The following SLC1A3 variants were observed in gnomAD, a reference collection of about 807,000 sequenced individuals.
SLC1A3 encodes the protein solute carrier family 1 member 3, also known as excitatory amino acid transporter 1.
Under a neutral mutation model 48.1 loss-of-function variants are expected in SLC1A3, and 21 were observed. That is an observed-to-expected ratio of 0.44 (90% confidence interval 0.31 to 0.63). The LOEUF (loss-of-function observed/expected upper bound fraction) is 0.63. Among genes scored for constraint, SLC1A3 ranks in the 20% least tolerant of loss-of-function variants. The pLI is 0.08. For synonymous variants in SLC1A3, 239 were observed against 251.4 expected (o/e 0.95, Z 0.47); for missense variants, 546 against 689.0 (o/e 0.79, Z 2.32).
intron 4 of SLC1A3, among the ~76,000 whole-genome samples, chr5:36,672,018 T>G (rs1040344713): frequency 6.6e-6 from 1 of 152,130 alleles, no homozygotes; most frequent in Non-Finnish European, 1.5e-5. Context: ...TTTGCCAAGG[T>G]GCGGGCAGCC....
intron 2 of SLC1A3, among the ~76,000 whole-genome samples, chr5:36,616,900 A>C (rs1261581339): frequency 6.6e-6 from 1 of 152,172 alleles, no homozygotes; most frequent in Non-Finnish European, 1.5e-5. Flanking sequence ...TTATTTAGTT[A>C]TTTATTTATT....
upstream of SLC1A3, chr5:36,606,513 C>T (rs1490626572): frequency 6.6e-6 from 1 of 152,286 alleles, no homozygotes; most frequent in Admixed American, 6.5e-5. Context: ...GTTTCCCCCT[C>T]CTCCCTGTGC....
Position 36,679,609 on chromosome 5 carries a change from G to A in SLC1A3, c.861-18G>A. 1 of 1,555,504 alleles carries A rather than the reference G, an allele frequency of 6.4e-7. No individual in the cohort carries two copies. The highest frequency in any genetic ancestry group is 8.9e-7 in the Non-Finnish European group (1 of 1,126,624). Reference sequence around the variant, plus strand: ...GTGGAAACCAGACTCCAACCGTGCTGGTGTTGCTTCTCCCCAGGTATGCCC... The same window carrying A: ...GTGGAAACCAGACTCCAACCGTGCTAGTGTTGCTTCTCCCCAGGTATGCCC... On this transcript the variant is annotated intron_variant, in intron 6 of 9. Transcript: ENST00000265113.
At chr5:36,661,129 A>G (rs1032438661) in intron 3 of SLC1A3, among the ~76,000 whole-genome samples, 1 of 152,230 alleles carries the variant, frequency 6.6e-6, no homozygotes. Context: ...AATTTAAAAA[A>G]TAGACAAAGT....
At chr5:36,616,216 G>A (rs1400284983) in intron 2 of SLC1A3, among the ~76,000 whole-genome samples, 1 of 152,122 alleles carries the variant, frequency 6.6e-6, no homozygotes, top group African/African-American at 2.4e-5. Context: ...TGAGTTTTAT[G>A]TCAAGCTTCA....
intron 3 of SLC1A3, among the ~76,000 whole-genome samples, chr5:36,642,718 TCCC>T (rs1421927729): frequency 6.6e-6 from 1 of 152,026 alleles, no homozygotes; most frequent in African/African-American, 2.4e-5. Context: ...ACCCCCCGAT[TCCC>T]CCAAGCCCTC....
At chr5:36,658,213 C>T (rs1741360553) in intron 3 of SLC1A3, among the ~76,000 whole-genome samples, 1 of 152,016 alleles carries the variant, frequency 6.6e-6, no homozygotes, top group East Asian at 1.9e-4. Flanking sequence ...CAGATTTCCA[C>T]AGGAAATGAG....
intron 4 of SLC1A3, 105 bp downstream of exon 4, chr5:36,671,338 G>A (rs934391480): frequency 6.3e-6 from 5 of 787,598 alleles, no homozygotes; most frequent in South Asian, 5.8e-5. Flanking sequence ...AACCAGCCTT[G>A]CCAGGCTTGA....
chr5:36,628,270 T>A (rs978414853), intron 2 of SLC1A3, among the ~76,000 whole-genome samples: 8 of 152,170 alleles, frequency 5.3e-5, no homozygotes, highest in Admixed American at 3.9e-4. Flanking sequence ...ACCCAAGAAT[T>A]GAAATTGGAG....
At chr5:36,683,118 T>A (rs1015597860) in intron 8 of SLC1A3, among the ~76,000 whole-genome samples, 1 of 152,214 alleles carries the variant, frequency 6.6e-6, no homozygotes, top group African/African-American at 2.4e-5. Context: ...ACAACATTAA[T>A]CATGAATGTT....
At chr5:36,684,213 G>C (rs919785283) in intron 9 of SLC1A3, among the ~76,000 whole-genome samples, 1 of 152,242 alleles carries the variant, frequency 6.6e-6, no homozygotes, top group Non-Finnish European at 1.5e-5. Context: ...AGCCTAAGGG[G>C]CACATCTGGC....
At chr5:36,624,048 C>G (rs1024202693) in intron 2 of SLC1A3, among the ~76,000 whole-genome samples, 1 of 152,072 alleles carries the variant, frequency 6.6e-6, no homozygotes, top group African/African-American at 2.4e-5. Flanking sequence ...AAGCAGCCTT[C>G]GTATTCACCG....
At chr5:36,654,063 C>T (rs548308357) in intron 3 of SLC1A3, among the ~76,000 whole-genome samples, 2 of 152,220 alleles carry the variant, frequency 1.3e-5, no homozygotes, top group African/African-American at 2.4e-5. Context: ...AGGCTGGTCT[C>T]GAACTCCTGA....
intron 2 of SLC1A3, among the ~76,000 whole-genome samples, chr5:36,625,900 A>G (rs1469372575): frequency 6.6e-6 from 1 of 152,222 alleles, no homozygotes; most frequent in Non-Finnish European, 1.5e-5. Context: ...ACTTCCCAGC[A>G]AGACCAGCTT....
chr5:36,607,834 GTTACT>G (rs1384167148), intron 1 of SLC1A3, among the ~76,000 whole-genome samples: 9 of 152,058 alleles, frequency 5.9e-5, no homozygotes, highest in African/African-American at 1.7e-4. Flanking sequence ...AAAATAGCTG[GTTACT>G]TTACTGCATG....
intron 2 of SLC1A3, among the ~76,000 whole-genome samples, chr5:36,616,245 A>G (rs1371006390): frequency 6.6e-6 from 1 of 152,222 alleles, no homozygotes; most frequent in Non-Finnish European, 1.5e-5. Flanking sequence ...AAGATTGCCT[A>G]GAGCTTATTC....
intron 3 of SLC1A3, among the ~76,000 whole-genome samples, chr5:36,653,084 C>T (rs1427102492): frequency 1.3e-5 from 2 of 152,188 alleles, no homozygotes; most frequent in African/African-American, 2.4e-5. Flanking sequence ...AGATTGAATG[C>T]TTTGCCCATC....
At chr5:36,611,496 G>A (rs1240803115) in intron 2 of SLC1A3, among the ~76,000 whole-genome samples, 1 of 152,024 alleles carries the variant, frequency 6.6e-6, no homozygotes, top group Non-Finnish European at 1.5e-5. Context: ...TCATCTACAA[G>A]CATAAGCATA....
rs200020005 is a variant in SLC1A3 at position 36,617,170 on chromosome 5, C to CA, written c.181+8575dup. Among the ~76,000 whole-genome samples the CA allele has an allele frequency of 5.3e-4, 79 of 149,820 alleles. 1 individual carries two copies. In the South Asian group the frequency reaches 0.013, roughly 25 times the overall value. ...TTTTTCAGATTCGCTTCCTTGTCTCCAAAAAAAAAGAAAGCGGTTTGGTCA... is the reference window on the plus strand; with the variant it reads ...TTTTTCAGATTCGCTTCCTTGTCTCCAAAAAAAAAAGAAAGCGGTTTGGTCA... On this transcript the variant is annotated intron_variant, in intron 2 of 9. Transcript: ENST00000265113.
Sources: gnomAD v4.1 joint callset for allele counts (sites outside exome capture counted in the v4.1 genomes callset) on GRCh38, gnomAD v4.1.1 for gene constraint, MANE v1.5 for transcripts, NCBI Gene and HGNC (gene_info 2026-07-23, HGNC 2026-07-21) for gene names.